The following PCDHA3 variants were observed in gnomAD, a reference collection of about 807,000 sequenced individuals.
PCDHA3 encodes the protein protocadherin alpha 3, also known as protocadherin alpha-3.
PCDHA3 carries 41 observed loss-of-function variants against 62.2 expected under a neutral mutation model. The ratio of observed to expected loss-of-function variants is 0.66; its 90% CI spans 0.51 to 0.86. The LOEUF is 0.86. Among genes scored for constraint, PCDHA3 ranks in the 40% least tolerant of loss-of-function variants. The pLI, the probability that PCDHA3 is intolerant of heterozygous loss-of-function variation, is 0.00. For synonymous variants in PCDHA3, 640 were observed against 555.4 expected (o/e 1.15, Z -2.14); for missense variants, 1,304 against 1,241.2 (o/e 1.05, Z -0.76).
At chr5:140,877,443 C>T (rs376417721) in intron 1 of PCDHA3, 1 of 1,613,844 alleles carries the variant, frequency 6.2e-7, no homozygotes, top group East Asian at 2.2e-5. Flanking sequence ...ACGGTGAGCC[C>T]GCGCTGACGT....
chr5:140,863,076 G>C (rs782126148), intron 1 of PCDHA3: 2 of 570,034 alleles, frequency 3.5e-6, no homozygotes, highest in South Asian at 2.7e-5. Context: ...GGCTCTGCAC[G>C]GGCGAGATCA....
At chr5:140,967,424 G>A (rs1554229541) in intron 1 of PCDHA3, 4 of 1,613,184 alleles carry the variant, frequency 2.5e-6, no homozygotes, top group Non-Finnish European at 2.5e-6. Context: ...CCGGGAGCAG[G>A]CAGCCTTGCA....
At chr5:140,854,157 C>G in intron 1 of PCDHA3, 1 of 165,326 alleles carries the variant, frequency 6.0e-6, no homozygotes. Flanking sequence ...AAGATTCTGT[C>G]TCAAAAAAAA....
At chr5:140,933,651 C>G (rs2089301034) in intron 1 of PCDHA3, among the ~76,000 whole-genome samples, 1 of 151,824 alleles carries the variant, frequency 6.6e-6, no homozygotes, top group South Asian at 2.1e-4. Flanking sequence ...GTTGGAAATC[C>G]TGTCTCTCTC....
At position 140,982,439 on chromosome 5, in the gene PCDHA3, G is replaced by A. The variant is rs553328430; in HGVS notation, c.2454-36G>A. The A allele has an allele frequency of 6.8e-5, 109 of 1,613,560 alleles. 3 individuals carry two copies. In the South Asian group the frequency reaches 1.0e-3, roughly 15 times the overall value. On this transcript the variant is annotated intron_variant, in intron 2 of 3. Transcript: ENST00000522353. ...GAAGAAGAGATGGGAAAGAATTTAT[G>A]ATCTAACCGTTATCTGGGTCTGTGT... is the stretch of plus-strand genomic sequence containing the variant.
At chr5:140,830,541 T>C in intron 1 of PCDHA3, 4 of 1,203,448 alleles carry the variant, frequency 3.3e-6, no homozygotes, top group Non-Finnish European at 4.5e-6. Context: ...ATAATTGTTT[T>C]CCTCATATTT....
In PCDHA3 at chr5:140,927,984, A is replaced by G. The variant is rs112872627; in HGVS notation, c.2395-50965A>G. 5.7e-5 allele frequency: 92 copies of G among 1,614,218 alleles called. 4 individuals are homozygous for G. In the African/African-American group the frequency reaches 7.1e-4, roughly 12 times the overall value. Reference sequence around the variant, plus strand: ...GCACAGTGATTGCTCTCTTTAGTGTAAAGGATGAAGACCTCGATTCTAATG... The same window carrying G: ...GCACAGTGATTGCTCTCTTTAGTGTGAAGGATGAAGACCTCGATTCTAATG... On this transcript the variant is annotated intron_variant, in intron 1 of 3. Coordinates refer to ENST00000522353, the MANE Select transcript of PCDHA3 (RefSeq NM_018906.3).
chr5:140,828,324 A>G (rs2150154033), intron 1 of PCDHA3: 15 of 1,614,076 alleles, frequency 9.3e-6, no homozygotes, highest in African/African-American at 1.3e-5. Context: ...CTGGAGGTAA[A>G]TCTGCAGAAT....
intron 1 of PCDHA3, chr5:140,968,948 A>G (rs1554231262): frequency 2.5e-6 from 4 of 1,614,064 alleles, no homozygotes; most frequent in East Asian, 4.5e-5. Flanking sequence ...CATTTTGAGC[A>G]TCATCAAGTG....
intron 1 of PCDHA3, chr5:140,841,994 A>T: frequency 6.2e-6 from 10 of 1,613,788 alleles, no homozygotes; most frequent in Non-Finnish European, 8.5e-6. Flanking sequence ...GCTCACAGGC[A>T]CTGTTCAGCT....
At chr5:140,976,787 C>T (rs1460336492) in intron 1 of PCDHA3, among the ~76,000 whole-genome samples, 3 of 152,150 alleles carry the variant, frequency 2.0e-5, no homozygotes, top group Admixed American at 6.5e-5. Flanking sequence ...TATATAGCTA[C>T]GCTTTTATGA....
Position 140,884,432 on chromosome 5 carries a change from C to A in PCDHA3, c.2394+80841C>A, listed in dbSNP as rs782413139. ...CACGTTGCTGCTGTATACTGCGCTG[C>A]GGTGCTCGGCACCGCCCACCGAGGG... On this transcript the variant is annotated intron_variant, in intron 1 of 3. Coordinates refer to ENST00000522353, the MANE Select transcript of PCDHA3 (RefSeq NM_018906.3). The A allele has an allele frequency of 4.3e-6, 7 of 1,613,764 alleles. No individual in the cohort carries two copies. The highest frequency in any genetic ancestry group is 5.1e-6 in the Non-Finnish European group (6 of 1,179,866).
intron 1 of PCDHA3, among the ~76,000 whole-genome samples, chr5:140,949,300 G>T (rs1373100269): frequency 1.3e-5 from 2 of 151,534 alleles, no homozygotes; most frequent in Non-Finnish European, 1.5e-5. Flanking sequence ...GTAATTGTTG[G>T]GTGTAATGAT....
intron 1 of PCDHA3, chr5:140,829,251 G>A (rs1554131837): frequency 6.2e-7 from 1 of 1,614,150 alleles, no homozygotes; most frequent in East Asian, 2.2e-5. Context: ...CAGGTGAACT[G>A]CTCGCTGACG....
chr5:140,852,875 C>A, intron 1 of PCDHA3: 1 of 937,156 alleles, frequency 1.1e-6, no homozygotes, highest in Non-Finnish European at 1.3e-6. Flanking sequence ...CATCAATAAT[C>A]ATAAAACGTA....
At chr5:140,829,175 G>C in intron 1 of PCDHA3, 1 of 1,614,160 alleles carries the variant, frequency 6.2e-7, no homozygotes, top group Non-Finnish European at 8.5e-7. Flanking sequence ...TGTACGTGAA[G>C]ACGCTCAATT....
chr5:140,996,636 T>G (rs561950169), intron 3 of PCDHA3, among the ~76,000 whole-genome samples: 17 of 152,346 alleles, frequency 1.1e-4, no homozygotes, highest in Middle Eastern at 6.8e-3. Context: ...CTGCAAATTA[T>G]GTAGTTAATC....
At chr5:140,895,904 C>CG (rs2065248350) in intron 1 of PCDHA3, among the ~76,000 whole-genome samples, 2 of 152,138 alleles carry the variant, frequency 1.3e-5, no homozygotes, top group Non-Finnish European at 2.9e-5. Flanking sequence ...CTCCGCGTCC[C>CG]GGGCTCAACA....
At position 141,003,456 on chromosome 5, in the gene PCDHA3, C is replaced by T. The variant is rs187279966; in HGVS notation, c.2543-6171C>T. Among the ~76,000 whole-genome samples the T allele has an allele frequency of 1.2e-3, 188 of 152,136 alleles. 1 individual carries two copies. The highest frequency in any genetic ancestry group is 4.1e-3 in the African/African-American group (172 of 41,508). On this transcript the variant is annotated intron_variant, in intron 3 of 3. Transcript: ENST00000522353. ...CCTCCCAAGTAGATGAAATTACAGGCGTGCACCACCACAGTCTCGCTAATT... is the reference window on the plus strand; with the variant it reads ...CCTCCCAAGTAGATGAAATTACAGGTGTGCACCACCACAGTCTCGCTAATT...
Sources: gnomAD v4.1 joint callset for allele counts (sites outside exome capture counted in the v4.1 genomes callset) on GRCh38, gnomAD v4.1.1 for gene constraint, MANE v1.5 for transcripts, NCBI Gene and HGNC (gene_info 2026-07-23, HGNC 2026-07-21) for gene names.